Variants in GABBR2 observed in about 807,000 individuals in gnomAD.
GABBR2 encodes G-protein coupled receptor 51.
In GABBR2, 23 loss-of-function variants were observed where a neutral mutation model predicts 105.6. The ratio of observed to expected loss-of-function variants is 0.22; its 90% CI spans 0.16 to 0.31. The LOEUF (loss-of-function observed/expected upper bound fraction) is 0.31, where lower values mean the gene tolerates loss of function less well. Ranked by LOEUF, GABBR2 falls within the 10% of genes least tolerant of loss-of-function variation. The probability of loss-of-function intolerance (pLI) is 1.00; values close to 1 mark genes in which losing one functional copy is unlikely to be tolerated. For synonymous variants in GABBR2, 478 were observed against 499.7 expected (o/e 0.96, Z 0.58); for missense variants, 734 against 1,245.5 (o/e 0.59, Z 6.18).
At chr9:98,301,865 C>T (rs984667255) in intron 16 of GABBR2, among the ~76,000 whole-genome samples, 4 of 152,060 alleles carry the variant, frequency 2.6e-5, no homozygotes, top group African/African-American at 9.7e-5. Context: ...TGGTGGGTTA[C>T]CTCATCCTAA....
At chr9:98,631,497 A>G (rs573143645) in intron 1 of GABBR2, among the ~76,000 whole-genome samples, 4 of 152,252 alleles carry the variant, frequency 2.6e-5, no homozygotes, top group South Asian at 2.1e-4. Context: ...GAACAGACAG[A>G]TATCTCTGCC....
intron 13 of GABBR2, among the ~76,000 whole-genome samples, chr9:98,337,688 G>A (rs746561437): frequency 4.6e-5 from 7 of 152,178 alleles, no homozygotes; most frequent in Non-Finnish European, 8.8e-5. Context: ...CACATCCATG[G>A]TCAGCTGATT....
Position 98,660,538 on chromosome 9 carries a change from G to A in GABBR2, c.321+47879C>T, listed in dbSNP as rs145121724. On this transcript the variant is annotated intron_variant, in intron 1 of 18. Coordinates refer to ENST00000259455, the MANE Select transcript of GABBR2 (RefSeq NM_005458.8). ...ATATATTCTTTGGTGAGTTTCCTAC[G>A]GAGTCTGAGTTAGTTTCCTATTGCT... Among the ~76,000 whole-genome samples the A allele has an allele frequency of 7.0e-3, 1,063 of 152,248 alleles. 7 individuals are homozygous for A. The highest frequency in any genetic ancestry group is 1.0e-2 in the Non-Finnish European group (678 of 68,030).
intron 5 of GABBR2, among the ~76,000 whole-genome samples, chr9:98,476,126 C>T (rs1826788691): frequency 6.6e-6 from 1 of 152,138 alleles, no homozygotes; most frequent in Admixed American, 6.6e-5. Flanking sequence ...TCTGATCAGA[C>T]ACAAAGGCAG....
rs1383335633 is a variant in GABBR2 at position 98,680,704 on chromosome 9, G to A, written c.321+27713C>T. On this transcript the variant is annotated intron_variant, in intron 1 of 18. Transcript: ENST00000259455. ...GTTAAGACAATCCTTGCAAAGAGAA[G>A]GTTCATCATGGAGGAGACTTCCCTT... Among the ~76,000 whole-genome samples, 4 of 152,264 alleles carry A rather than the reference G, an allele frequency of 2.6e-5. No homozygotes were observed. The East Asian group carries it at 5.8e-4, about 22-fold the overall frequency.
rs184841189 is a variant in GABBR2 at position 98,432,616 on chromosome 9, G to A, written c.1236+21365C>T. Among the ~76,000 whole-genome samples the A allele has an allele frequency of 9.5e-4, 144 of 152,288 alleles. 2 individuals are homozygous for A. The highest frequency in any genetic ancestry group is 8.7e-3 in the Admixed American group (133 of 15,306). On this transcript the variant is annotated intron_variant, in intron 7 of 18. Transcript: ENST00000259455. ...CCTCTTCTATAAGATGGTCCTAATC[G>A]TGTCTCCCTCACAGGGCTTGTTCCG...
intron 5 of GABBR2, among the ~76,000 whole-genome samples, chr9:98,479,661 T>C (rs1012240890): frequency 6.6e-6 from 1 of 152,250 alleles, no homozygotes; most frequent in Non-Finnish European, 1.5e-5. Context: ...TTCCTACATC[T>C]GTCCAAAACA....
chr9:98,556,162 G>A (rs944484183), intron 2 of GABBR2, among the ~76,000 whole-genome samples: 1 of 152,208 alleles, frequency 6.6e-6, no homozygotes, highest in Non-Finnish European at 1.5e-5. Context: ...CCATCCCCTT[G>A]AGTAGATAGA....
intron 13 of GABBR2, among the ~76,000 whole-genome samples, chr9:98,345,730 G>T (rs1831292580): frequency 6.6e-6 from 1 of 152,148 alleles, no homozygotes; most frequent in Non-Finnish European, 1.5e-5. Context: ...AAAACTCTTG[G>T]AACTAACAGG....
chr9:98,628,411 T>A (rs1829774648), intron 1 of GABBR2, among the ~76,000 whole-genome samples: 1 of 152,198 alleles, frequency 6.6e-6, no homozygotes, highest in Admixed American at 6.5e-5. Context: ...TCCCCTGAAT[T>A]TCACTTTCTG....
At chr9:98,612,481 C>T (rs1377222742) in intron 1 of GABBR2, among the ~76,000 whole-genome samples, 3 of 152,194 alleles carry the variant, frequency 2.0e-5, no homozygotes, top group Non-Finnish European at 4.4e-5. Flanking sequence ...CTTTTGTTCT[C>T]ACTATCACAG....
Position 98,375,470 on chromosome 9 carries a change from G to C in GABBR2, c.1663-3899C>G, listed in dbSNP as rs190314699. On this transcript the variant is annotated intron_variant, in intron 11 of 18. Transcript: ENST00000259455. ...CCTCTCCCACTAGATGAAGCTACTG[G>C]GAGGCAGGGCCTGCTTTGCCCACCT... is the stretch of plus-strand genomic sequence containing the variant. 6.1e-3 allele frequency among the ~76,000 whole-genome samples: 931 copies of C among 152,224 alleles called. 5 individuals carry two copies. The highest frequency in any genetic ancestry group is 9.8e-3 in the Non-Finnish European group (666 of 68,022).
At chr9:98,349,349 G>T (rs7848264) in intron 13 of GABBR2, among the ~76,000 whole-genome samples, 11,724 of 23,518 alleles carry the variant, frequency 0.5, 1,987 homozygotes, top group Middle Eastern at 0.64. Flanking sequence ...TTGAAGTTTT[G>T]TTTTTTTTTT....
chr9:98,642,839 G>A (rs1415459175), intron 1 of GABBR2, among the ~76,000 whole-genome samples: 1 of 152,178 alleles, frequency 6.6e-6, no homozygotes, highest in African/African-American at 2.4e-5. Flanking sequence ...GCGCTTCTCA[G>A]GCCATGCTGA....
intron 13 of GABBR2, among the ~76,000 whole-genome samples, chr9:98,328,937 C>A (rs1371434340): frequency 6.6e-6 from 1 of 152,190 alleles, no homozygotes; most frequent in African/African-American, 2.4e-5. Flanking sequence ...CTGCCACTTA[C>A]AAATGAGGTG....
In GABBR2 at chr9:98,377,048, C is replaced by A. The variant is rs114035519; in HGVS notation, c.1663-5477G>T. On this transcript the variant is annotated intron_variant, in intron 11 of 18. Transcript: ENST00000259455. ...TCAGCTCCTGCCCCTGAAGCCAACACCCTTGTGTAGTGCAGAAAGTGCACA... is the reference window on the plus strand; with the variant it reads ...TCAGCTCCTGCCCCTGAAGCCAACAACCTTGTGTAGTGCAGAAAGTGCACA... 6.8e-3 allele frequency among the ~76,000 whole-genome samples: 1,043 copies of A among 152,384 alleles called. 12 individuals carry two copies. The highest frequency in any genetic ancestry group is 0.024 in the African/African-American group (989 of 41,590).
At chr9:98,482,197 T>A (rs1826939477) in intron 4 of GABBR2, among the ~76,000 whole-genome samples, 1 of 152,226 alleles carries the variant, frequency 6.6e-6, no homozygotes, top group Non-Finnish European at 1.5e-5. Context: ...AAATATGCTT[T>A]TAAAGATCAG....
chr9:98,418,661 C>A (rs1247296992), intron 7 of GABBR2, among the ~76,000 whole-genome samples: 1 of 152,142 alleles, frequency 6.6e-6, no homozygotes, highest in Non-Finnish European at 1.5e-5. Context: ...CTTAAAGATA[C>A]CCCGGAAGTG....
chr9:98,464,370 G>A (rs1040435727), intron 6 of GABBR2, among the ~76,000 whole-genome samples: 1 of 150,912 alleles, frequency 6.6e-6, no homozygotes, highest in African/African-American at 2.4e-5. Flanking sequence ...GCCCCCTCTG[G>A]GAAGTGAGGA....
Sources: allele counts gnomAD v4.1 joint callset (sites outside exome capture counted in the v4.1 genomes callset), GRCh38; gene constraint gnomAD v4.1.1; transcripts MANE v1.5; gene names NCBI Gene and HGNC (gene_info 2026-07-23, HGNC 2026-07-21).